Variants in RUNX1T1 observed in about 807,000 individuals in gnomAD.
The protein encoded by RUNX1T1 is protein CBFA2T1.
In RUNX1T1, 4 loss-of-function variants were observed where a neutral mutation model predicts 62.8. The ratio of observed to expected loss-of-function variants is 0.06; its 90% CI spans 0.03 to 0.15. RUNX1T1 has a LOEUF of 0.15. RUNX1T1 is among the 10% of genes least tolerant of loss of function. The pLI is 1.00. For synonymous variants in RUNX1T1, 291 were observed against 286.0 expected, an observed-to-expected ratio of 1.02 and a Z score of -0.18; for missense variants, 508 against 754.3, an observed-to-expected ratio of 0.67 and a Z score of 3.82.
At chr8:91,979,003 T>C (rs940892742) in intron 8 of RUNX1T1, among the ~76,000 whole-genome samples, 5 of 152,212 alleles carry the variant, frequency 3.3e-5, no homozygotes, top group Admixed American at 6.5e-5. Flanking sequence ...TTTTTCAAAA[T>C]AGCAGAATCT....
chr8:92,050,602 A>C (rs10092162), intron 1 of RUNX1T1, among the ~76,000 whole-genome samples: 37,994 of 152,070 alleles, frequency 0.25, 5,208 homozygotes, highest in African/African-American at 0.37. Flanking sequence ...AATCAAACAT[A>C]AAGCAAATGG....
At chr8:91,968,172 T>A (rs1417312979) in intron 10 of RUNX1T1, among the ~76,000 whole-genome samples, 5 of 152,044 alleles carry the variant, frequency 3.3e-5, no homozygotes, top group African/African-American at 4.8e-5. Flanking sequence ...GCCACACGTA[T>A]CTGCCTCCGA....
chr8:92,065,052 C>A (rs992467075), upstream of RUNX1T1, among the ~76,000 whole-genome samples: 1 of 152,228 alleles, frequency 6.6e-6, no homozygotes, highest in Non-Finnish European at 1.5e-5. Flanking sequence ...CAGTTTCCTC[C>A]TCTTATTCTT....
At chr8:91,987,154 T>C (rs574685640) in intron 6 of RUNX1T1, among the ~76,000 whole-genome samples, 182 bp from the exon 8 acceptor site, 2 of 152,308 alleles carry the variant, frequency 1.3e-5, no homozygotes, top group Admixed American at 1.3e-4. Context: ...AATGATAAAA[T>C]ACTAGAACTA....
chr8:92,067,254 T>A (rs1002857613), upstream of RUNX1T1, among the ~76,000 whole-genome samples: 17 of 152,154 alleles, frequency 1.1e-4, no homozygotes, highest in African/African-American at 4.1e-4. Context: ...CTTTACTGCC[T>A]CAATCACATG....
intron 5 of RUNX1T1, among the ~76,000 whole-genome samples, chr8:92,002,745 G>A (rs1334039089): frequency 6.6e-6 from 1 of 152,040 alleles, no homozygotes; most frequent in African/African-American, 2.4e-5. Flanking sequence ...GCTCATCCAT[G>A]TCAGACCATA....
intron 1 of RUNX1T1, among the ~76,000 whole-genome samples, chr8:92,019,417 G>A (rs899940989): frequency 2.6e-5 from 4 of 152,038 alleles, no homozygotes; most frequent in African/African-American, 9.7e-5. Flanking sequence ...AGGAAGAGCA[G>A]GAGGGGGAGG....
intron 1 of RUNX1T1, among the ~76,000 whole-genome samples, chr8:92,019,520 G>A (rs2131192641): frequency 6.6e-6 from 1 of 152,118 alleles, no homozygotes; most frequent in African/African-American, 2.4e-5. Context: ...GCCTGATGGG[G>A]GAGTAAGTTA....
At chr8:92,031,265 C>T (rs1442449685) in intron 1 of RUNX1T1, among the ~76,000 whole-genome samples, 1 of 152,048 alleles carries the variant, frequency 6.6e-6, no homozygotes, top group East Asian at 1.9e-4. Context: ...TGTACTAAAC[C>T]ATCTAAAAAA....
intron 1 of RUNX1T1, among the ~76,000 whole-genome samples, chr8:92,087,483 A>C (rs1022143824): frequency 6.6e-6 from 1 of 152,150 alleles, no homozygotes; most frequent in Non-Finnish European, 1.5e-5. Flanking sequence ...GCCTTGATGA[A>C]TCCTACCTGT....
At chr8:91,978,523 T>C (rs765921620) in intron 8 of RUNX1T1, among the ~76,000 whole-genome samples, 1 of 152,164 alleles carries the variant, frequency 6.6e-6, no homozygotes, top group Non-Finnish European at 1.5e-5. Context: ...ACCACAAATT[T>C]TGAAGAGAAC....
chr8:91,986,192 T>G, exon 8 of RUNX1T1: 1 of 1,614,108 alleles, frequency 6.2e-7, no homozygotes, highest in Non-Finnish European at 8.5e-7. Flanking sequence ...GCCGCCACCT[T>G]TTTTTAAGTC....
At chr8:91,974,148 A>C (rs755608795) in intron 9 of RUNX1T1, among the ~76,000 whole-genome samples, 68 of 152,224 alleles carry the variant, frequency 4.5e-4, no homozygotes, top group Non-Finnish European at 8.2e-4. Context: ...ACAGTAAAGA[A>C]AAATAATAGT....
Position 92,086,352 on chromosome 8 carries a change from C to T in RUNX1T1, c.-85-10215G>A, listed in dbSNP as rs185760457. ...ACTGGTCAAATGAGAAGTTAAGGGT[C>T]CCAGAACCCAGCCCACCTGACCACT... On this transcript the variant is annotated intron_variant, in intron 1 of 11. Coordinates refer to the RUNX1T1 transcript ENST00000265814. Among the ~76,000 whole-genome samples the T allele has an allele frequency of 1.4e-3, 218 of 152,304 alleles. 1 individual carries two copies. Among genetic ancestry groups the T allele is most frequent in the East Asian group, 0.014 (71 of 5,184 alleles).
chr8:91,982,385 G>A (rs1188639691), intron 8 of RUNX1T1, among the ~76,000 whole-genome samples: 1 of 152,094 alleles, frequency 6.6e-6, no homozygotes, highest in Non-Finnish European at 1.5e-5. Flanking sequence ...GAAATAAAAT[G>A]TCAGGAGCCA....
intron 1 of RUNX1T1, among the ~76,000 whole-genome samples, chr8:92,081,946 C>G (rs181773706): frequency 6.6e-5 from 10 of 152,048 alleles, no homozygotes; most frequent in Non-Finnish European, 1.3e-4. Context: ...AGTGAAGTGG[C>G]GCAATCTCCA....
rs778634213 is a variant in RUNX1T1, at chr8:92,062,558, A to T, written c.-6T>A. ...AGGGCTAACTCACCAGGCATCCTTG[A>T]ATCCAGCGTACCACACAGAAAGTGG... On this transcript the variant is annotated 5_prime_UTR_variant, in exon 1 of 11. Transcript: ENST00000396218. The T allele has an allele frequency of 8.7e-6, 14 of 1,613,948 alleles. No homozygotes were observed. The African/African-American group carries it at 1.9e-4, about 22-fold the overall frequency.
intron 1 of RUNX1T1, chr8:92,095,706 T>A: frequency 3.0e-6 from 2 of 660,832 alleles, no homozygotes; most frequent in Non-Finnish European, 4.5e-6. Context: ...GGGCGGGGGC[T>A]CAGACCCCAG....
chr8:92,074,689 C>CA (rs984741816), intron 2 of RUNX1T1, among the ~76,000 whole-genome samples: 1 of 152,086 alleles, frequency 6.6e-6, no homozygotes, highest in Non-Finnish European at 1.5e-5. Flanking sequence ...TCTGAGTTCT[C>CA]AAAAAACCAA....
Sources: allele counts gnomAD v4.1 joint callset (sites outside exome capture counted in the v4.1 genomes callset), GRCh38; gene constraint gnomAD v4.1.1; transcripts MANE v1.5; gene names NCBI Gene and HGNC (gene_info 2026-07-23, HGNC 2026-07-21).